The following PAK1IP1 variants were observed in gnomAD, a reference collection of about 807,000 sequenced individuals.
The protein encoded by PAK1IP1 is PAK1 interacting protein 1.
PAK1IP1 carries 24 observed loss-of-function variants against 42.0 expected under a neutral mutation model. The observed-to-expected ratio is 0.57, with a 90% CI of 0.41 to 0.80. The LOEUF (loss-of-function observed/expected upper bound fraction) is 0.80. Among genes scored for constraint, PAK1IP1 ranks in the 30% least tolerant of loss-of-function variants. The pLI is 0.00. For synonymous variants in PAK1IP1, 154 were observed against 156.7 expected (o/e 0.98, Z 0.13); for missense variants, 411 against 467.9 (o/e 0.88, Z 1.12).
At chr6:10,701,657 G>C (rs539240322) in intron 2 of PAK1IP1, among the ~76,000 whole-genome samples, 2 of 152,210 alleles carry the variant, frequency 1.3e-5, no homozygotes, top group East Asian at 3.8e-4. Context: ...GGATTGGATT[G>C]TGGCTGATTG....
chr6:10,706,447 C>T (rs116882897), intron 7 of PAK1IP1, among the ~76,000 whole-genome samples: 1 of 152,248 alleles, frequency 6.6e-6, no homozygotes, highest in East Asian at 1.9e-4. Context: ...TAAGACCCAC[C>T]ATCAGCTTTA....
chr6:10,692,360 C>T (rs777666180), upstream of PAK1IP1, among the ~76,000 whole-genome samples: 1 of 152,134 alleles, frequency 6.6e-6, no homozygotes, highest in Non-Finnish European at 1.5e-5. Context: ...GAAACTTACA[C>T]ATTACAAAAA....
chr6:10,702,107 A>T (rs1770042515), intron 2 of PAK1IP1, among the ~76,000 whole-genome samples: 1 of 151,908 alleles, frequency 6.6e-6, no homozygotes, highest in Non-Finnish European at 1.5e-5. Flanking sequence ...AGGTATATTG[A>T]TGTGCACCTG....
intron 2 of PAK1IP1, among the ~76,000 whole-genome samples, chr6:10,697,992 A>C (rs181939737): frequency 2.0e-4 from 30 of 152,322 alleles, no homozygotes; most frequent in Non-Finnish European, 3.7e-4. Context: ...TTTTCACTGA[A>C]ACCTTCCTTA....
Position 10,704,641 on chromosome 6 carries a change from AAATTTCTTTC to A in PAK1IP1, c.633_642del (p.Phe212SerfsTer13). On this transcript the variant is annotated frameshift_variant and splice_region_variant, in exon 6 of 10. Coordinates refer to ENST00000379568, the MANE Select transcript of PAK1IP1 (RefSeq NM_017906.3). LOFTEE classifies it high-confidence loss of function. The stretch of plus-strand genomic sequence containing the variant: ...AAATGAAAAGAGAATTTCCTCTGTT[AAATTTCTTTC>A]AGTAAGTAATCAGAAATCATTGACC... 6.2e-7 allele frequency: 1 copy of A among 1,612,506 alleles called. No individual in the cohort carries two copies. The highest frequency in any genetic ancestry group is 8.5e-7 in the Non-Finnish European group (1 of 1,178,990).
At chr6:10,703,173 A>G (rs1561893067) in intron 4 of PAK1IP1, among the ~76,000 whole-genome samples, 2 of 152,290 alleles carry the variant, frequency 1.3e-5, no homozygotes, top group East Asian at 1.9e-4. Flanking sequence ...GATTTTAGAA[A>G]GGGAAACCTT....
Position 10,695,045 on chromosome 6 carries a change from G to A in PAK1IP1, c.60G>A (p.Glu20=). The change falls in exon 1 of 10, where the codon GAG becomes GAA. Residue 20 remains glutamate, a synonymous_variant. Transcript: ENST00000379568. ...TCTTTGGGTTCGCTGTACACCCGGAGCCCGAGGCTTGCGGCGACCACGAGG... is the reference window on the plus strand; with the variant it reads ...TCTTTGGGTTCGCTGTACACCCGGAACCCGAGGCTTGCGGCGACCACGAGG... ...QVLFGFAVHP[E]PEACGDHEQW... 6 of 1,602,550 alleles carry A rather than the reference G, an allele frequency of 3.7e-6. No homozygotes were observed. The highest frequency in any genetic ancestry group is 5.1e-6 in the Non-Finnish European group (6 of 1,179,116).
At chr6:10,697,783 C>T (rs7776247) in intron 2 of PAK1IP1, among the ~76,000 whole-genome samples, 4 of 150,538 alleles carry the variant, frequency 2.7e-5, no homozygotes, top group African/African-American at 7.3e-5. Context: ...CACAGCTACT[C>T]GGGAGGCGGA....
At chr6:10,708,432 A>G (rs961127939) in intron 8 of PAK1IP1, among the ~76,000 whole-genome samples, 1 of 152,100 alleles carries the variant, frequency 6.6e-6, no homozygotes, top group African/African-American at 2.4e-5. Context: ...GTATCCATTC[A>G]TCAGGTGATA....
At position 10,708,943 on chromosome 6, in the gene PAK1IP1, T is replaced by C; in HGVS notation, c.841-10T>C. On this transcript the variant is annotated splice_polypyrimidine_tract_variant and intron_variant, in intron 8 of 9. Transcript: ENST00000379568. ...AATGCACATTATGAATGTTTGTTTC[T>C]TCTGTTTAGAAAGTTCCCCCATCTT... 6.3e-7 allele frequency: 1 copy of C among 1,590,674 alleles called. No homozygotes were observed. Among genetic ancestry groups the C allele is most frequent in the South Asian group, 1.2e-5 (1 of 86,862 alleles).
rs779302607 is a variant in PAK1IP1, at chr6:10,704,846, T to C, written c.740+2T>C. Reference sequence around the variant, plus strand: ...CGAATTTAAAGCTCATGAAAACAGGTATTTTTACCAATCTTTGGTGTATAT... The same window carrying C: ...CGAATTTAAAGCTCATGAAAACAGGCATTTTTACCAATCTTTGGTGTATAT... On this transcript the variant is annotated splice_donor_variant, in intron 7 of 9. Transcript: ENST00000379568. LOFTEE classifies it high-confidence loss of function. The C allele has an allele frequency of 1.2e-5, 19 of 1,572,268 alleles. No homozygotes were observed. Among genetic ancestry groups the C allele is most frequent in the Non-Finnish European group, 1.5e-5 (17 of 1,141,984 alleles).
Position 10,704,811 on chromosome 6 carries a change from T to A in PAK1IP1, c.707T>A (p.Val236Glu). 6.2e-7 allele frequency: 1 copy of A among 1,613,200 alleles called. No individual in the cohort carries two copies. Among genetic ancestry groups the A allele is most frequent in the Non-Finnish European group, 8.5e-7 (1 of 1,179,122 alleles). Residue 236 changes from valine to glutamate, a missense_variant, in exon 7 of 10, where the codon GTG becomes GAG. Transcript: ENST00000379568. ...VIRFFDCDSLVCLCEFKAHEN... is the reference protein window; with the variant it reads ...VIRFFDCDSLECLCEFKAHEN... ...AGGTTTTTTGACTGTGATTCACTAG[T>A]GTGCCTCTGCGAATTTAAAGCTCAT...
chr6:10,704,182 G>A (rs867438647), intron 5 of PAK1IP1, among the ~76,000 whole-genome samples: 1 of 151,922 alleles, frequency 6.6e-6, no homozygotes, highest in Non-Finnish European at 1.5e-5. Flanking sequence ...CACCATGCTT[G>A]GCTAATTTTT....
chr6:10,693,307 T>G (rs527298406), upstream of PAK1IP1, among the ~76,000 whole-genome samples: 10 of 152,346 alleles, frequency 6.6e-5, no homozygotes, highest in South Asian at 2.1e-3. Context: ...TTGAGCACCC[T>G]TTCTGCATAA....
In PAK1IP1 at chr6:10,697,255, C is replaced by A; in HGVS notation, c.85-69C>A. On this transcript the variant is annotated intron_variant, in intron 1 of 9. Transcript: ENST00000379568. ...TAAATGGTTCCGTGATTCATGAAAA[C>A]TACCAGTGGATAGAGTTGGTAGAAC... The A allele has an allele frequency of 2.3e-6, 3 of 1,280,282 alleles. No homozygotes were observed. The Admixed American group carries it at 6.4e-5, about 27-fold the overall frequency. 79.3% of individuals were successfully genotyped at this position (1,280,282 alleles called of 1,614,324 possible). A position where few individuals can be genotyped will look rare whatever the true frequency, so the allele number is the denominator to read the frequency against.
intron 7 of PAK1IP1, among the ~76,000 whole-genome samples, chr6:10,706,777 GGAGGCTGAGGCAGGAGAATCGTTT>G (rs1770214323): frequency 6.6e-6 from 1 of 151,964 alleles, no homozygotes; most frequent in Admixed American, 6.6e-5. Flanking sequence ...CAGCTACTCG[GGAGGCTGAGGCAGGAGAATCGTTT>G]GAACCCAGGA....
At chr6:10,694,953 C>T, upstream of PAK1IP1, 1 of 1,474,208 alleles carries the variant, frequency 6.8e-7, no homozygotes, top group Non-Finnish European at 9.3e-7. Flanking sequence ...CCAGGCTGAG[C>T]CGGGCTGGCG....
At chr6:10,695,310 C>T (rs1393927809) in intron 1 of PAK1IP1, among the ~76,000 whole-genome samples, 1 of 152,180 alleles carries the variant, frequency 6.6e-6, no homozygotes, top group African/African-American at 2.4e-5. Flanking sequence ...AGGAAACCGG[C>T]ATTTCTGCAT....
In PAK1IP1 at chr6:10,709,740, T is replaced by C. The variant is rs1282158508; in HGVS notation, c.*288T>C. The C allele has an allele frequency of 5.5e-6, 1 of 182,974 alleles. No individual in the cohort carries two copies. Among genetic ancestry groups the C allele is most frequent in the Non-Finnish European group, 1.1e-5 (1 of 88,916 alleles). 11.3% of individuals were successfully genotyped at this position (182,974 alleles called of 1,614,324 possible). On this transcript the variant is annotated 3_prime_UTR_variant, in exon 10 of 10. Coordinates refer to ENST00000379568, the MANE Select transcript of PAK1IP1 (RefSeq NM_017906.3). ...AAGCAAATAAAGATCTTTCTCAAAA[T>C]ATACTGTAAAATAATATAAAATATT...
Sources: gnomAD v4.1 joint callset for allele counts (sites outside exome capture counted in the v4.1 genomes callset) on GRCh38, gnomAD v4.1.1 for gene constraint, MANE v1.5 for transcripts, NCBI Gene and HGNC (gene_info 2026-07-23, HGNC 2026-07-21) for gene names.